The following ZNF385B variants were observed in gnomAD, a reference collection of about 807,000 sequenced individuals.
ZNF385B encodes the protein zinc finger protein 533.
In ZNF385B, 23 loss-of-function variants were observed where a neutral mutation model predicts 39.2. That is an observed-to-expected ratio of 0.59 (90% CI 0.42 to 0.83). The LOEUF is 0.83. Ranked by LOEUF, ZNF385B falls within the 40% of genes least tolerant of loss-of-function variation. ZNF385B has a pLI of 0.00. For missense variants in ZNF385B, 552 were observed against 598.9 expected (o/e 0.92, Z 0.82); for synonymous variants, 205 against 222.6 (o/e 0.92, Z 0.70).
chr2:179,474,758 G>T (rs766045122), intron 6 of ZNF385B, among the ~76,000 whole-genome samples: 1 of 152,038 alleles, frequency 6.6e-6, no homozygotes, highest in Non-Finnish European at 1.5e-5. Flanking sequence ...ACAAGGTGTC[G>T]CTGTCATCTT....
At chr2:179,845,920 C>G (rs1468217589) in intron 1 of ZNF385B, among the ~76,000 whole-genome samples, 1 of 152,188 alleles carries the variant, frequency 6.6e-6, no homozygotes, top group Middle Eastern at 3.2e-3. Context: ...TGTCATGTGG[C>G]TAGCAGGACT....
chr2:179,840,808 T>C (rs1353196856), intron 1 of ZNF385B, among the ~76,000 whole-genome samples: 9 of 152,226 alleles, frequency 5.9e-5, no homozygotes, highest in Admixed American at 5.2e-4. Flanking sequence ...TCACATAGAC[T>C]AACATTTCTC....
chr2:179,660,314 G>A (rs1694321720), intron 3 of ZNF385B: 1 of 152,166 alleles, frequency 6.6e-6, no homozygotes, highest in African/African-American at 2.4e-5. Flanking sequence ...AGTAGATGTT[G>A]CCTCCTCAGT....
At chr2:179,522,955 AT>A in intron 4 of ZNF385B, 1 of 395,316 alleles carries the variant, frequency 2.5e-6, no homozygotes, top group Non-Finnish European at 5.2e-6. Flanking sequence ...GTCATCTGGA[AT>A]TTTGAGGCTA....
At chr2:179,580,897 C>G (rs1395834462) in intron 3 of ZNF385B, among the ~76,000 whole-genome samples, 1 of 152,160 alleles carries the variant, frequency 6.6e-6, no homozygotes, top group Non-Finnish European at 1.5e-5. Context: ...GCAGTGTGGT[C>G]TGACAAATCA....
At chr2:179,634,527 AG>A (rs951492172) in intron 3 of ZNF385B, among the ~76,000 whole-genome samples, 13 of 152,278 alleles carry the variant, frequency 8.5e-5, no homozygotes, top group East Asian at 5.8e-4. Context: ...TAGTTAGAAT[AG>A]TAATCATTAA....
At chr2:179,834,510 G>A (rs970108859) in intron 1 of ZNF385B, among the ~76,000 whole-genome samples, 2 of 152,128 alleles carry the variant, frequency 1.3e-5, no homozygotes, top group African/African-American at 4.8e-5. Flanking sequence ...AAATTACTGA[G>A]TCCATACTGA....
intron 3 of ZNF385B, among the ~76,000 whole-genome samples, chr2:179,619,021 A>C (rs555617676): frequency 6.6e-6 from 1 of 152,330 alleles, no homozygotes; most frequent in South Asian, 2.1e-4. Context: ...TTTACTAACA[A>C]AAAATTTTAA....
intron 1 of ZNF385B, among the ~76,000 whole-genome samples, chr2:179,790,377 G>A (rs1394480177): frequency 6.6e-6 from 1 of 152,210 alleles, no homozygotes; most frequent in East Asian, 1.9e-4. Flanking sequence ...CAGTGCAGCT[G>A]TGTTTAATGC....
intron 3 of ZNF385B, among the ~76,000 whole-genome samples, chr2:179,710,969 G>C (rs930001090): frequency 6.6e-6 from 1 of 152,118 alleles, no homozygotes; most frequent in Admixed American, 6.5e-5. Context: ...TCAACAAGAT[G>C]AGACAACATA....
chr2:179,820,600 T>C (rs1463363213), intron 1 of ZNF385B, among the ~76,000 whole-genome samples: 1 of 152,104 alleles, frequency 6.6e-6, no homozygotes, highest in Non-Finnish European at 1.5e-5. Flanking sequence ...TCACTCATTT[T>C]CAAATTATAT....
At chr2:179,744,330 A>ATCT (rs3082228) in intron 3 of ZNF385B, among the ~76,000 whole-genome samples, 72,826 of 149,596 alleles carry the variant, frequency 0.49, 17,939 homozygotes, top group East Asian at 0.59. Context: ...TTTTTTTTAA[A>ATCT]TCATAGAGAC....
At chr2:179,725,738 A>G (rs553275379) in intron 3 of ZNF385B, among the ~76,000 whole-genome samples, 1 of 151,404 alleles carries the variant, frequency 6.6e-6, no homozygotes, top group East Asian at 1.9e-4. Context: ...TAAAAGGTAG[A>G]TATTTGATAG....
intron 3 of ZNF385B, among the ~76,000 whole-genome samples, chr2:179,753,377 C>T (rs1478311660): frequency 6.6e-6 from 1 of 152,172 alleles, no homozygotes; most frequent in East Asian, 1.9e-4. Flanking sequence ...AGCGTGATGC[C>T]TCCAGCTTTG....
intron 4 of ZNF385B, among the ~76,000 whole-genome samples, chr2:179,532,689 AT>A (rs1291019049): frequency 6.6e-6 from 1 of 152,162 alleles, no homozygotes; most frequent in African/African-American, 2.4e-5. Context: ...TGTAATACTA[AT>A]TATAATCAGA....
At chr2:179,463,437 G>A (rs1022125979) in intron 6 of ZNF385B, among the ~76,000 whole-genome samples, 1 of 152,004 alleles carries the variant, frequency 6.6e-6, no homozygotes, top group Non-Finnish European at 1.5e-5. Context: ...ATGTGCCATG[G>A]TGGTTTGCTG....
At chr2:179,659,473 T>C (rs188131586) in intron 3 of ZNF385B, among the ~76,000 whole-genome samples, 173 of 152,214 alleles carry the variant, frequency 1.1e-3, no homozygotes, top group African/African-American at 4.0e-3. Flanking sequence ...TTTGAAAGGT[T>C]TGTCAGATTT....
intron 4 of ZNF385B, among the ~76,000 whole-genome samples, chr2:179,539,023 T>C (rs1378979585): frequency 1.3e-5 from 2 of 152,238 alleles, no homozygotes; most frequent in South Asian, 4.1e-4. Flanking sequence ...TAAACTTCAC[T>C]TACTTACTGT....
intron 3 of ZNF385B, among the ~76,000 whole-genome samples, chr2:179,647,079 C>T (rs1559027057): frequency 6.6e-6 from 1 of 152,180 alleles, no homozygotes; most frequent in Non-Finnish European, 1.5e-5. Flanking sequence ...ACCTCCCACA[C>T]CATGTATTAT....
Sources: gnomAD v4.1 joint callset for allele counts (sites outside exome capture counted in the v4.1 genomes callset) on GRCh38, gnomAD v4.1.1 for gene constraint, MANE v1.5 for transcripts, NCBI Gene and HGNC (gene_info 2026-07-23, HGNC 2026-07-21) for gene names.